Variants in MGST1 observed in about 807,000 individuals in gnomAD.
The protein encoded by MGST1 is glutathione S-transferase 12.
In MGST1, 5 loss-of-function variants were observed where a neutral mutation model predicts 8.9. The observed-to-expected ratio is 0.56, with a 90% CI of 0.29 to 1.19. The LOEUF (loss-of-function observed/expected upper bound fraction) is 1.19. MGST1 is among the 50% of genes most tolerant of loss of function. The probability of loss-of-function intolerance (pLI) is 0.08; values close to 1 mark genes in which losing one functional copy is unlikely to be tolerated. For missense variants in MGST1, 182 were observed against 187.4 expected, an observed-to-expected ratio of 0.97 and a Z score of 0.17; for synonymous variants, 54 against 67.8, an observed-to-expected ratio of 0.80 and a Z score of 1.00.
chr12:16,535,169 T>A (rs1941747888), intron 4 of MGST1, among the ~76,000 whole-genome samples: 1 of 152,184 alleles, frequency 6.6e-6, no homozygotes, highest in Non-Finnish European at 1.5e-5. Flanking sequence ...TAACTCCTCC[T>A]CTTATTAGCT....
At chr12:16,519,319 AT>A (rs1442300008) in intron 4 of MGST1, among the ~76,000 whole-genome samples, 2 of 152,162 alleles carry the variant, frequency 1.3e-5, no homozygotes, top group Non-Finnish European at 2.9e-5. Context: ...GTGTTTTTGT[AT>A]TTGATTTTTT....
chr12:16,440,553 TA>T (rs1252994369), downstream of MGST1, among the ~76,000 whole-genome samples: 1 of 151,842 alleles, frequency 6.6e-6, no homozygotes, highest in Non-Finnish European at 1.5e-5. Flanking sequence ...TTGAGATTTA[TA>T]TATGCTGTTA....
rs531140247 is a variant in MGST1, at chr12:16,420,460, G to A, written n.779-16928G>A. 3.3e-5 allele frequency among the ~76,000 whole-genome samples: 5 copies of A among 152,142 alleles called. No homozygotes were observed. In the South Asian group the frequency reaches 6.2e-4, roughly 19 times the overall value. On this transcript the variant is annotated intron_variant and non_coding_transcript_variant, in intron 1 of 1. Transcript: ENST00000359720. ...ATATAGATTAAAAAAACTATCCTAA[G>A]TCAGGTTTCCTGGGAAACAAAATCT... is the stretch of plus-strand genomic sequence containing the variant.
At chr12:16,561,421 G>A (rs2137341238) in intron 4 of MGST1, among the ~76,000 whole-genome samples, 1 of 152,184 alleles carries the variant, frequency 6.6e-6, no homozygotes, top group Admixed American at 6.5e-5. Flanking sequence ...CAAACTAGAT[G>A]AAAAACACCA....
chr12:16,514,186 C>T lies in MGST1; in HGVS notation n.483-75342C>T, dbSNP rs554557208. The T allele has an allele frequency of 2.3e-4, 72 of 317,420 alleles. 1 individual carries two copies. Among genetic ancestry groups the T allele is most frequent in the South Asian group, 1.8e-3 (61 of 34,692 alleles). 19.7% of individuals were successfully genotyped at this position (317,420 alleles called of 1,614,324 possible). A position where few individuals can be genotyped will look rare whatever the true frequency, so the allele number is the denominator to read the frequency against. ...GCTGTGCGCCACTCTGCCAATTATA[C>T]GCCATTGTCGCTGCCAATCATACAC... On this transcript the variant is annotated intron_variant and non_coding_transcript_variant, in intron 4 of 4. Coordinates refer to the MGST1 transcript ENST00000538857.
chr12:16,352,785 C>T (rs1939527670), intron 1 of MGST1, among the ~76,000 whole-genome samples: 2 of 152,124 alleles, frequency 1.3e-5, no homozygotes, highest in Admixed American at 1.3e-4. Flanking sequence ...ATTCTCCTTC[C>T]CTATTACACC....
At chr12:16,535,978 G>T (rs1213343205) in intron 4 of MGST1, among the ~76,000 whole-genome samples, 2 of 152,032 alleles carry the variant, frequency 1.3e-5, no homozygotes, top group Non-Finnish European at 2.9e-5. Context: ...AAGGATTTAG[G>T]CTTGAAAGGA....
chr12:16,420,313 A>G (rs1180747432), intron 1 of MGST1, among the ~76,000 whole-genome samples: 1 of 152,206 alleles, frequency 6.6e-6, no homozygotes, highest in Non-Finnish European at 1.5e-5. Context: ...TTACATATTG[A>G]TTCTGCAACC....
At chr12:16,514,013 C>T in intron 4 of MGST1, 1 of 428,372 alleles carries the variant, frequency 2.3e-6, no homozygotes, top group Non-Finnish European at 4.6e-6. Context: ...CTTCTGCATG[C>T]TTGCTCCCAT....
chr12:16,514,875 T>G (rs768226828), intron 4 of MGST1, among the ~76,000 whole-genome samples: 1 of 152,230 alleles, frequency 6.6e-6, no homozygotes, highest in African/African-American at 2.4e-5. Context: ...GTCTGGAACA[T>G]TGTGGCTCTA....
chr12:16,418,415 T>G (rs1940804375), intron 1 of MGST1, among the ~76,000 whole-genome samples: 1 of 152,136 alleles, frequency 6.6e-6, no homozygotes, highest in African/African-American at 2.4e-5. Context: ...AAGTTGGGAA[T>G]GGCTAACATT....
chr12:16,436,557 G>GAA (rs141363129), intron 1 of MGST1, among the ~76,000 whole-genome samples: 10 of 147,750 alleles, frequency 6.8e-5, no homozygotes, highest in South Asian at 4.3e-4. Context: ...AAACAGGAAA[G>GAA]AAAAAAAAAC....
chr12:16,394,494 CTT>C (rs1940583374), intron 1 of MGST1, among the ~76,000 whole-genome samples: 1 of 103,298 alleles, frequency 9.7e-6, no homozygotes, highest in Non-Finnish European at 2.0e-5. Context: ...TCCTTTCTTT[CTT>C]TCTCTCTCTT....
chr12:16,581,337 T>A (rs1943151555), intron 4 of MGST1, among the ~76,000 whole-genome samples: 1 of 152,182 alleles, frequency 6.6e-6, no homozygotes, highest in Non-Finnish European at 1.5e-5. Context: ...TTAATTACCC[T>A]CAGCCTCAGT....
At chr12:16,383,690 A>T (rs1351948207) in intron 1 of MGST1, 1 of 152,120 alleles carries the variant, frequency 6.6e-6, no homozygotes, top group African/African-American at 2.4e-5. Context: ...CAAACTTCTG[A>T]CCTCAGGTGA....
chr12:16,443,273 A>G (rs1660485201), downstream of MGST1, among the ~76,000 whole-genome samples: 1 of 151,820 alleles, frequency 6.6e-6, no homozygotes, highest in Non-Finnish European at 1.5e-5. Flanking sequence ...AAAATAACAT[A>G]TAATTTGACC....
At chr12:16,551,150 T>G in intron 4 of MGST1, 1 of 980,024 alleles carries the variant, frequency 1.0e-6, no homozygotes. Context: ...GTGTCAATTC[T>G]TATGTACATG....
intron 4 of MGST1, among the ~76,000 whole-genome samples, chr12:16,580,807 T>G (rs1943136768): frequency 6.6e-6 from 1 of 152,212 alleles, no homozygotes; most frequent in Non-Finnish European, 1.5e-5. Flanking sequence ...TTGTTAAATT[T>G]TTCACGATGT....
At chr12:16,369,131 A>G (rs1277585092), downstream of MGST1, among the ~76,000 whole-genome samples, 2 of 152,138 alleles carry the variant, frequency 1.3e-5, no homozygotes, top group Admixed American at 6.6e-5. The surrounding 1 kb of genome is among the most constrained non-coding windows in gnomAD (Gnocchi z 4.8). Context: ...AGTGTGGTAT[A>G]GTGAATAGAT....
Sources: allele counts gnomAD v4.1 joint callset (sites outside exome capture counted in the v4.1 genomes callset), GRCh38; gene constraint gnomAD v4.1.1; non-coding constraint Gnocchi (gnomAD v3.1); transcripts MANE v1.5; gene names NCBI Gene and HGNC (gene_info 2026-07-23, HGNC 2026-07-21).